FAM228B: variants seen among roughly 807,000 people sequenced by gnomAD.
The protein encoded by FAM228B is family with sequence similarity 228 member B, also known as protein FAM228B.
FAM228B carries 38 observed loss-of-function variants against 42.6 expected under a neutral mutation model. The ratio of observed to expected loss-of-function variants is 0.89; its 90% confidence interval spans 0.69 to 1.17. The LOEUF (loss-of-function observed/expected upper bound fraction) is 1.17, where lower values mean the gene tolerates loss of function less well. Among genes scored for constraint, FAM228B ranks in the 50% most tolerant of loss-of-function variants. FAM228B has a pLI of 0.00. For missense variants in FAM228B, 344 were observed against 367.3 expected (o/e 0.94, Z 0.52); for synonymous variants, 109 against 122.3 (o/e 0.89, Z 0.72).
rs1195529868 is a variant in FAM228B, at chr2:24,084,392, A to AGGGCG, written c.-210+3441_-210+3442insGGGGC. On this transcript the variant is annotated intron_variant, in intron 2 of 10. Transcript: ENST00000613899. This position sits in a 1 kb window ranked among gnomAD's most constrained non-coding sequence, Gnocchi z 8.4. ...AGGGCAGGGCAGGGCAGGACAGGAC[A>AGGGCG]GGGCAGGGCAGGACAGGACAGGGCA... The AGGGCG allele has an allele frequency of 4.0e-5, 61 of 1,508,154 alleles. No individual in the cohort carries two copies. In the East Asian group the frequency reaches 1.4e-3, roughly 35 times the overall value. The allele number at this position is 1,508,154 out of a possible 1,614,324, so 93.4% of individuals were successfully genotyped here.
rs147408565 is a variant in FAM228B, at chr2:24,147,067, G to A, written c.667G>A (p.Glu223Lys). ...ACTGCCTACAAGATACATAGAAAGTGAATTTTGTAGAAGGAGAAGGTAATG... is the reference window on the plus strand; with the variant it reads ...ACTGCCTACAAGATACATAGAAAGTAAATTTTGTAGAAGGAGAAGGTAATG... ...LKLPTRYIES[E>K]FCRRRRLKVK... The change falls in exon 7 of 11, where the codon GAA (glutamate) becomes AAA (lysine). Residue 223 changes from glutamate to lysine, a missense_variant. Physicochemically the swap from Glu to Lys is moderately conservative, Grantham distance 56. Coordinates refer to ENST00000615575, the MANE Select transcript of FAM228B (RefSeq NM_001145710.2). 4.5e-6 allele frequency: 7 copies of A among 1,550,356 alleles called. No homozygotes were observed. The African/African-American group carries it at 9.6e-5, about 21-fold the overall frequency.
chr2:24,079,525 G>A (rs912431770), intron 1 of FAM228B: 8 of 1,614,096 alleles, frequency 5.0e-6, no homozygotes, highest in Non-Finnish European at 6.8e-6. Flanking sequence ...GCCCATTGAT[G>A]TCACCTCCTC....
chr2:24,151,364 C>T (rs185872413), intron 7 of FAM228B, among the ~76,000 whole-genome samples: 3 of 151,466 alleles, frequency 2.0e-5, no homozygotes, highest in Admixed American at 6.6e-5. Flanking sequence ...GATCTTGGCT[C>T]ACTGCAACCT....
chr2:24,135,952 T>C (rs1376568189), intron 3 of FAM228B, among the ~76,000 whole-genome samples: 3 of 151,382 alleles, frequency 2.0e-5, no homozygotes. Flanking sequence ...TTTTTTTTTT[T>C]CTGAAGGTCA....
Position 24,137,970 on chromosome 2 carries a change from A to C in FAM228B, c.230A>C (p.Tyr77Ser), listed in dbSNP as rs767893623. The change falls in exon 4 of 11, where the codon TAT (tyrosine) becomes TCT (serine). Residue 77 changes from tyrosine to serine, a missense_variant. Physicochemically the swap from Tyr to Ser is moderately radical, Grantham distance 144. Transcript: ENST00000615575. The stretch of plus-strand genomic sequence containing the variant: ...AATGCAAGAAGAAAGGAGATGTTAT[A>C]TAAAAGATGGGTTGACTGTGTGGCA... The part of the protein sequence containing the change: ...FLNARRKEML[Y>S]KRWVDCVADP... 40 of 1,547,740 alleles carry C rather than the reference A, an allele frequency of 2.6e-5. No homozygotes were observed. The highest frequency in any genetic ancestry group is 3.5e-5 in the Non-Finnish European group (40 of 1,146,068).
At chr2:24,081,659 T>TA (rs1239019811) in intron 2 of FAM228B, among the ~76,000 whole-genome samples, 1 of 151,590 alleles carries the variant, frequency 6.6e-6, no homozygotes, top group Non-Finnish European at 1.5e-5. Flanking sequence ...CCTTCACTAC[T>TA]GAGTGCAGTG....
intron 7 of FAM228B, 31 bp downstream of exon 7, chr2:24,147,117 C>A (rs1666914481): frequency 1.4e-6 from 2 of 1,417,878 alleles, no homozygotes; most frequent in South Asian, 1.5e-5. Flanking sequence ...AATTATAGAA[C>A]CTTTTGGACT....
At chr2:24,083,161 AAAG>A in intron 2 of FAM228B, 1 of 1,596,276 alleles carries the variant, frequency 6.3e-7, no homozygotes, top group Non-Finnish European at 8.6e-7. Context: ...CTCTGCAGAG[AAAG>A]AAGTGCACTA....
upstream of FAM228B, chr2:24,121,389 G>T: frequency 7.8e-7 from 1 of 1,276,774 alleles, no homozygotes; most frequent in Non-Finnish European, 1.1e-6. Context: ...TTTATGGCCT[G>T]CAAGCTAAGA....
At chr2:24,153,036 T>G (rs1415709392) in intron 7 of FAM228B, among the ~76,000 whole-genome samples, 2 of 152,154 alleles carry the variant, frequency 1.3e-5, no homozygotes, top group Non-Finnish European at 2.9e-5. Context: ...CCAAGAGCTC[T>G]TCCCTTCAGC....
Position 24,161,564 on chromosome 2 carries a change from G to A in FAM228B, c.745G>A (p.Ala249Thr). 6.5e-7 allele frequency: 1 copy of A among 1,548,520 alleles called. No homozygotes were observed. The highest frequency in any genetic ancestry group is 8.7e-7 in the Non-Finnish European group (1 of 1,144,024). The change falls in exon 8 of 11, where the codon GCT (alanine) becomes ACT (threonine). Residue 249 changes from alanine to threonine, a missense_variant. Coordinates refer to ENST00000615575, the MANE Select transcript of FAM228B (RefSeq NM_001145710.2). ...CSFDLKPLARAPYLLESQEEE... is the reference protein window; with the variant it reads ...CSFDLKPLARTPYLLESQEEE... The stretch of plus-strand genomic sequence containing the variant: ...TTTTGATTTGAAACCTTTGGCAAGA[G>A]CTCCTTATCTTTTGGAATCCCAGGA...
rs138552606 is a variant in FAM228B at position 24,089,218 on chromosome 2, G to C, written c.-209-5923G>C. 3.6e-3 allele frequency among the ~76,000 whole-genome samples: 555 copies of C among 152,166 alleles called. 4 individuals carry two copies. Among genetic ancestry groups the C allele is most frequent in the African/African-American group, 0.012 (514 of 41,508 alleles). ...GCAAAAATTAGCTGGGTGTGGTGGT[G>C]GTTGCCTGTAGTCCCAGCTTGTTCT... On this transcript the variant is annotated intron_variant, in intron 2 of 10. Transcript: ENST00000613899.
intron 3 of FAM228B, among the ~76,000 whole-genome samples, chr2:24,136,175 C>T (rs1666582779): frequency 6.7e-6 from 1 of 149,276 alleles, no homozygotes; most frequent in African/African-American, 2.5e-5. Flanking sequence ...GATTCTCCTG[C>T]CTCAGCCTCC....
chr2:24,168,239 A>G lies in FAM228B; in HGVS notation c.*14+556A>G, dbSNP rs921989351. ...TATAGATGCTATGTGAAATCATGCA[A>G]TCACCTGGGGGTGAGTGTCAAAGAG... On this transcript the variant is annotated intron_variant, in intron 10 of 10. Transcript: ENST00000615575. Among the ~76,000 whole-genome samples the G allele has an allele frequency of 6.6e-5, 10 of 152,270 alleles. No individual in the cohort carries two copies. In the East Asian group the frequency reaches 7.7e-4, roughly 12 times the overall value.
chr2:24,146,465 A>G (rs1166648944), intron 5 of FAM228B, among the ~76,000 whole-genome samples: 1 of 152,160 alleles, frequency 6.6e-6, no homozygotes, highest in Non-Finnish European at 1.5e-5. Context: ...AAAATTTGGG[A>G]ACATATGGTA....
intron 5 of FAM228B, among the ~76,000 whole-genome samples, chr2:24,139,836 A>G (rs546178012): frequency 1.2e-4 from 19 of 152,192 alleles, no homozygotes; most frequent in Non-Finnish European, 2.6e-4. Flanking sequence ...CTGTATATCT[A>G]TCTAGACTTC....
intron 7 of FAM228B, among the ~76,000 whole-genome samples, chr2:24,148,047 G>T (rs1666938625): frequency 6.6e-6 from 1 of 152,024 alleles, no homozygotes; most frequent in Non-Finnish European, 1.5e-5. Context: ...CATTAGTGTG[G>T]AGGATTAGCC....
At chr2:24,079,558 T>C (rs140437175) in intron 1 of FAM228B, 4 of 1,614,108 alleles carry the variant, frequency 2.5e-6, no homozygotes, top group East Asian at 4.5e-5. Flanking sequence ...AGAGAACCCA[T>C]CGACCATCAA....
chr2:24,077,641 C>T lies in FAM228B; in HGVS notation c.-290+672C>T, dbSNP rs1204400740. The stretch of plus-strand genomic sequence containing the variant: ...TTGTTGGCCTCCATGTACTTATGGG[C>T]CTCCTGGATTTCGGTCACTGGGTAG... On this transcript the variant is annotated intron_variant, in intron 1 of 10. Transcript: ENST00000613899. This position sits in a 1 kb window ranked among gnomAD's most constrained non-coding sequence, Gnocchi z 5.5. 2 of 1,612,692 alleles carry T rather than the reference C, an allele frequency of 1.2e-6. No individual in the cohort carries two copies. The highest frequency in any genetic ancestry group is 8.5e-7 in the Non-Finnish European group (1 of 1,179,242).
Sources: allele counts gnomAD v4.1 joint callset (sites outside exome capture counted in the v4.1 genomes callset), GRCh38; gene constraint gnomAD v4.1.1; non-coding constraint Gnocchi (gnomAD v3.1); transcripts MANE v1.5; gene names NCBI Gene and HGNC (gene_info 2026-07-23, HGNC 2026-07-21).